WDR49: variants seen among roughly 807,000 people sequenced by gnomAD.
WDR49 encodes cilia- and flagella-associated protein 337.
In WDR49, 107 loss-of-function variants were observed where a neutral mutation model predicts 119.5. The ratio of observed to expected loss-of-function variants is 0.90; its 90% CI spans 0.77 to 1.05. The LOEUF (loss-of-function observed/expected upper bound fraction) is 1.05. Among genes scored for constraint, WDR49 ranks in the 50% least tolerant of loss-of-function variants. The pLI is 0.00. For missense variants in WDR49, 1,240 were observed against 1,220.5 expected (o/e 1.02, Z -0.24); for synonymous variants, 425 against 418.8 (o/e 1.01, Z -0.18).
chr3:167,503,657 C>G (rs1751659548), intron 17 of WDR49, among the ~76,000 whole-genome samples: 1 of 152,170 alleles, frequency 6.6e-6, no homozygotes, highest in South Asian at 2.1e-4. Context: ...AGGAGCACAG[C>G]AGACACCCTG....
At chr3:167,657,540 C>T (rs190336218), upstream of WDR49, among the ~76,000 whole-genome samples, 246 of 150,992 alleles carry the variant, frequency 1.6e-3, 1 homozygote, top group South Asian at 8.6e-4. Context: ...CTCCTCCCCC[C>T]CCACAATTTA....
At chr3:167,606,268 A>G (rs1323584414) in intron 5 of WDR49, among the ~76,000 whole-genome samples, 1 of 152,166 alleles carries the variant, frequency 6.6e-6, no homozygotes, top group African/African-American at 2.4e-5. Flanking sequence ...TCCATCAGAA[A>G]GGTATGCATG....
Position 167,560,153 on chromosome 3 carries a change from C to G in WDR49, c.1585G>C (p.Gly529Arg), listed in dbSNP as rs774025845. The change falls in exon 9 of 19, where the codon GGT becomes CGT. Residue 529 changes from glycine to arginine, a missense_variant. Transcript: ENST00000682715. The stretch of plus-strand genomic sequence containing the variant: ...CTGATTTCTGCGTTGCCGTGGCAAC[C>G]AGTAAACTGTTTGATTTTCTGCCCA... ...DTGQKIKQFT[G>R]CHGNAEISTM... 1 of 1,614,082 alleles carries G rather than the reference C, an allele frequency of 6.2e-7. No homozygotes were observed. The highest frequency in any genetic ancestry group is 1.1e-5 in the South Asian group (1 of 91,076).
At chr3:167,645,579 G>A (rs1718080659) in intron 2 of WDR49, among the ~76,000 whole-genome samples, 1 of 151,898 alleles carries the variant, frequency 6.6e-6, no homozygotes, top group Admixed American at 6.6e-5. Context: ...TTATATGGCT[G>A]GCTATACCCT....
chr3:167,624,428 T>C (rs1165468173), intron 3 of WDR49, among the ~76,000 whole-genome samples: 2 of 151,830 alleles, frequency 1.3e-5, no homozygotes, highest in Non-Finnish European at 2.9e-5. Context: ...AATTAATCTA[T>C]AGTGACCAAA....
intron 18 of WDR49, among the ~76,000 whole-genome samples, chr3:167,495,179 C>A (rs969349573): frequency 6.6e-6 from 1 of 151,760 alleles, no homozygotes; most frequent in Non-Finnish European, 1.5e-5. Flanking sequence ...TAGAAGCAGA[C>A]CCAGGGATTA....
intron 2 of WDR49, among the ~76,000 whole-genome samples, chr3:167,627,742 T>C (rs530920505): frequency 5.9e-5 from 9 of 152,220 alleles, no homozygotes; most frequent in Admixed American, 5.9e-4. Context: ...TGTATATTAA[T>C]ATATTTGTGT....
At chr3:167,513,427 A>T (rs1231949317) in intron 16 of WDR49, among the ~76,000 whole-genome samples, 1 of 152,182 alleles carries the variant, frequency 6.6e-6, no homozygotes, top group Non-Finnish European at 1.5e-5. Context: ...ATTCATCACC[A>T]CTAGGCCTGC....
intron 2 of WDR49, among the ~76,000 whole-genome samples, chr3:167,643,710 T>C (rs1046271358): frequency 2.0e-5 from 3 of 152,052 alleles, no homozygotes; most frequent in African/African-American, 7.2e-5. Context: ...AAGGCCTATG[T>C]CTAAGCAGAT....
intron 2 of WDR49, among the ~76,000 whole-genome samples, chr3:167,632,914 T>C (rs889904086): frequency 2.0e-5 from 3 of 152,078 alleles, no homozygotes; most frequent in African/African-American, 2.4e-5. Flanking sequence ...AGTGCTGTTA[T>C]GAGGATCTAT....
chr3:167,512,839 C>T (rs147979404), intron 16 of WDR49, among the ~76,000 whole-genome samples: 1 of 152,258 alleles, frequency 6.6e-6, no homozygotes, highest in Non-Finnish European at 1.5e-5. Flanking sequence ...GAATAGTCCA[C>T]ACGGAGGACA....
intron 5 of WDR49, among the ~76,000 whole-genome samples, chr3:167,615,630 A>G (rs1716559639): frequency 6.6e-6 from 1 of 152,180 alleles, no homozygotes; most frequent in Admixed American, 6.5e-5. Context: ...ATCCCATAGA[A>G]GAAACTAATA....
intron 5 of WDR49, among the ~76,000 whole-genome samples, chr3:167,615,420 A>T (rs899390755): frequency 6.7e-6 from 1 of 149,984 alleles, no homozygotes; most frequent in Non-Finnish European, 1.5e-5. Context: ...ACAGGCGTGG[A>T]CCACCACTCC....
At chr3:167,488,525 T>A (rs977141795) in intron 18 of WDR49, among the ~76,000 whole-genome samples, 8 of 152,168 alleles carry the variant, frequency 5.3e-5, no homozygotes, top group Non-Finnish European at 1.0e-4. Flanking sequence ...CTGAAATTTT[T>A]AAAAAGTAAA....
chr3:167,524,784 TA>T (rs1378118708), intron 15 of WDR49, among the ~76,000 whole-genome samples: 1 of 152,084 alleles, frequency 6.6e-6, no homozygotes, highest in African/African-American at 2.4e-5. Flanking sequence ...TTGGTACCAG[TA>T]CCATGCTGTT....
At chr3:167,586,419 C>T (rs569362430) in intron 7 of WDR49, among the ~76,000 whole-genome samples, 2 of 152,094 alleles carry the variant, frequency 1.3e-5, no homozygotes, top group Non-Finnish European at 2.9e-5. Context: ...TCTTTAATCA[C>T]CACTGGAAAA....
intron 2 of WDR49, among the ~76,000 whole-genome samples, chr3:167,641,919 TGA>T (rs1717900620): frequency 1.4e-5 from 2 of 144,750 alleles, no homozygotes; most frequent in African/African-American, 2.6e-5. Flanking sequence ...TATGTTTATG[TGA>T]GAGAGAAAAA....
At chr3:167,577,536 T>A (rs1714310344) in intron 7 of WDR49, among the ~76,000 whole-genome samples, 1 of 152,094 alleles carries the variant, frequency 6.6e-6, no homozygotes, top group African/African-American at 2.4e-5. Context: ...TTTTTTTTAA[T>A]CTGAGTTTTT....
chr3:167,604,301 C>A lies in WDR49; in HGVS notation c.1126G>T (p.Ala376Ser). 1 of 1,612,928 alleles carries A rather than the reference C, an allele frequency of 6.2e-7. No individual in the cohort carries two copies. ...FDYHSRLNLI[A>S]TAGINNKVCL... ...AGTTATCATGATTTATTTTACCTAC[C>A]AATTAAATTGAGCCGAGAGTGATAA... The change falls in exon 6 of 19, where the codon GCA becomes TCA. Residue 376 changes from alanine to serine, a missense_variant and splice_region_variant. Coordinates refer to ENST00000682715, the MANE Select transcript of WDR49 (RefSeq NM_001366157.1).
Sources: gnomAD v4.1 joint callset for allele counts (sites outside exome capture counted in the v4.1 genomes callset) on GRCh38, gnomAD v4.1.1 for gene constraint, MANE v1.5 for transcripts, NCBI Gene and HGNC (gene_info 2026-07-23, HGNC 2026-07-21) for gene names.